The following TMTC2 variants were observed in gnomAD, a reference collection of about 807,000 sequenced individuals.
The protein encoded by TMTC2 is protein O-mannosyl-transferase TMTC2.
Under a neutral mutation model 82.4 loss-of-function variants are expected in TMTC2, and 43 were observed. That is an observed-to-expected ratio of 0.52 (90% CI 0.41 to 0.67). The LOEUF (loss-of-function observed/expected upper bound fraction) is 0.67. Among genes scored for constraint, TMTC2 ranks in the 30% least tolerant of loss-of-function variants. TMTC2 has a pLI of 0.00. For synonymous variants in TMTC2, 408 were observed against 381.9 expected, an observed-to-expected ratio of 1.07 and a Z score of -0.80; for missense variants, 919 against 1,012.4, an observed-to-expected ratio of 0.91 and a Z score of 1.25.
intron 11 of TMTC2, among the ~76,000 whole-genome samples, chr12:83,120,801 T>C (rs1387781819): frequency 6.6e-6 from 1 of 152,210 alleles, no homozygotes; most frequent in Admixed American, 6.5e-5. Flanking sequence ...ATTCTTAGGT[T>C]TGGCTGTTTA....
At chr12:83,001,635 CAAA>C (rs34467744) in intron 8 of TMTC2, among the ~76,000 whole-genome samples, 2,284 of 93,118 alleles carry the variant, frequency 0.025, 55 homozygotes, top group African/African-American at 0.08. Flanking sequence ...AACTCTGTCT[CAAA>C]AAAAAAAAAA....
chr12:83,102,044 T>C (rs1274611821), intron 11 of TMTC2, among the ~76,000 whole-genome samples: 1 of 152,212 alleles, frequency 6.6e-6, no homozygotes, highest in African/African-American at 2.4e-5. Context: ...TGGACAGTAA[T>C]ACATGTGACT....
chr12:82,961,584 A>G (rs1877937703), intron 4 of TMTC2, among the ~76,000 whole-genome samples: 1 of 152,052 alleles, frequency 6.6e-6, no homozygotes, highest in South Asian at 2.1e-4. Context: ...AATCATAATA[A>G]CTAGAGGGAG....
At chr12:82,905,455 T>C (rs1874242593) in intron 3 of TMTC2, among the ~76,000 whole-genome samples, 2 of 152,236 alleles carry the variant, frequency 1.3e-5, no homozygotes, top group African/African-American at 4.8e-5. Flanking sequence ...TTAAGAACAA[T>C]TAAGAGTGAA....
chr12:82,742,211 T>A (rs1159682960), intron 1 of TMTC2, among the ~76,000 whole-genome samples: 1 of 152,178 alleles, frequency 6.6e-6, no homozygotes, highest in Non-Finnish European at 1.5e-5. Context: ...TGCATCCTTA[T>A]GACCCAAATC....
In TMTC2 at chr12:82,939,366, G is replaced by GA. The variant is rs541605249; in HGVS notation, c.1598+8828dup. 1.4e-4 allele frequency among the ~76,000 whole-genome samples: 21 copies of GA among 151,742 alleles called. No homozygotes were observed. The East Asian group carries it at 2.1e-3, about 15-fold the overall frequency. On this transcript the variant is annotated intron_variant, in intron 4 of 11. Transcript: ENST00000321196. ...TTAGTGTAACTTTAATTTCTATATA[G>GA]AAAAAAATCCCTAAGTTCTCTAATT... is the stretch of plus-strand genomic sequence containing the variant.
At chr12:82,737,831 C>T (rs1347801989) in intron 1 of TMTC2, among the ~76,000 whole-genome samples, 1 of 152,154 alleles carries the variant, frequency 6.6e-6, no homozygotes, top group Non-Finnish European at 1.5e-5. Context: ...AATATTTTAT[C>T]TTTCTAATGC....
At chr12:82,757,062 A>G (rs1194340708) in intron 1 of TMTC2, among the ~76,000 whole-genome samples, 1 of 152,184 alleles carries the variant, frequency 6.6e-6, no homozygotes, top group African/African-American at 2.4e-5. Flanking sequence ...CTCAGATTTG[A>G]CATGACTTTC....
intron 11 of TMTC2, among the ~76,000 whole-genome samples, chr12:83,072,138 C>T (rs186909174): frequency 4.6e-5 from 7 of 152,114 alleles, no homozygotes; most frequent in South Asian, 2.1e-4. Context: ...TTGATGTAGG[C>T]GCTTAGGGCT....
chr12:83,057,786 G>C (rs1203702699), intron 10 of TMTC2, among the ~76,000 whole-genome samples: 1 of 151,584 alleles, frequency 6.6e-6, no homozygotes, highest in Admixed American at 6.6e-5. Context: ...ATTATCTTTT[G>C]TATGTATCCG....
intron 3 of TMTC2, among the ~76,000 whole-genome samples, chr12:82,917,427 A>G (rs958881856): frequency 6.6e-6 from 1 of 152,104 alleles, no homozygotes; most frequent in Non-Finnish European, 1.5e-5. Flanking sequence ...GGAACCAGAC[A>G]GACACATCTT....
chr12:82,690,018 G>C (rs1017341011), intron 1 of TMTC2, among the ~76,000 whole-genome samples: 1 of 152,158 alleles, frequency 6.6e-6, no homozygotes, highest in Non-Finnish European at 1.5e-5. Context: ...TTGTTTTTAT[G>C]TATCCTAGAA....
At chr12:83,122,716 G>T (rs908607575) in intron 11 of TMTC2, among the ~76,000 whole-genome samples, 1 of 152,166 alleles carries the variant, frequency 6.6e-6, no homozygotes, top group African/African-American at 2.4e-5. Flanking sequence ...CCTTCAGAGG[G>T]TATGTGGGTC....
At chr12:82,790,094 T>G (rs1246248026) in intron 1 of TMTC2, among the ~76,000 whole-genome samples, 1 of 151,002 alleles carries the variant, frequency 6.6e-6, no homozygotes, top group Non-Finnish European at 1.5e-5. Flanking sequence ...CTCAGCTACT[T>G]AGGAGGCTGA....
intron 1 of TMTC2, among the ~76,000 whole-genome samples, chr12:82,701,861 T>A (rs1318845495): frequency 6.6e-6 from 1 of 152,158 alleles, no homozygotes; most frequent in Non-Finnish European, 1.5e-5. Context: ...AAAGAAAATA[T>A]GTATTAACTT....
At chr12:83,043,397 T>G (rs1286424112) in intron 9 of TMTC2, among the ~76,000 whole-genome samples, 1 of 152,212 alleles carries the variant, frequency 6.6e-6, no homozygotes, top group African/African-American at 2.4e-5. Flanking sequence ...GCACTCATCT[T>G]GTTACCACTA....
At chr12:83,126,837 A>T (rs1048187120) in intron 11 of TMTC2, among the ~76,000 whole-genome samples, 1 of 152,136 alleles carries the variant, frequency 6.6e-6, no homozygotes, top group African/African-American at 2.4e-5. Context: ...TTATCTTAAA[A>T]ACTTTAGTAA....
At chr12:82,918,631 C>T (rs914316367) in intron 3 of TMTC2, among the ~76,000 whole-genome samples, 2 of 152,238 alleles carry the variant, frequency 1.3e-5, no homozygotes, top group Admixed American at 1.3e-4. Flanking sequence ...GGAGTGATTA[C>T]TTATGCAGAC....
chr12:82,921,648 ATATTTGG>A (rs1486327747), intron 3 of TMTC2, among the ~76,000 whole-genome samples: 1 of 152,154 alleles, frequency 6.6e-6, no homozygotes. Context: ...AATACTCTGA[ATATTTGG>A]AAACTTCATT....
Sources: gnomAD v4.1 joint callset for allele counts (sites outside exome capture counted in the v4.1 genomes callset) on GRCh38, gnomAD v4.1.1 for gene constraint, MANE v1.5 for transcripts, NCBI Gene and HGNC (gene_info 2026-07-23, HGNC 2026-07-21) for gene names.